GNL3L: variants seen among roughly 807,000 people sequenced by gnomAD.
GNL3L encodes the protein G protein nucleolar 3 like.
A neutral mutation model predicts 42.9 loss-of-function variants in GNL3L; 4 were observed. The ratio of observed to expected loss-of-function variants is 0.09; its 90% CI spans 0.05 to 0.21. The LOEUF (loss-of-function observed/expected upper bound fraction) is 0.21. Ranked by LOEUF, GNL3L falls within the 10% of genes least tolerant of loss-of-function variation. GNL3L has a pLI of 1.00. For synonymous variants in GNL3L, 159 were observed against 176.3 expected (o/e 0.90, Z 0.78); for missense variants, 412 against 481.7 (o/e 0.86, Z 1.36).
rs1406033820 is a variant in GNL3L, at chrX:54,556,713, C to T, written c.1447-1723C>T. ...ACACTGTTTTTGGTACTCAGGTGTG[C>T]TCTATGTTTTTTCAGTGTTCAGTCA... On this transcript the variant is annotated intron_variant, in intron 14 of 15. Transcript: ENST00000360845. 3.6e-5 allele frequency among the ~76,000 whole-genome samples: 4 copies of T among 111,144 alleles called. No individual in the cohort carries two copies. The South Asian group carries it at 1.5e-3, about 42-fold the overall frequency.
chrX:54,602,906 G>C (rs1282647575), intron 16 of GNL3L, among the ~76,000 whole-genome samples: 1 of 111,920 alleles, frequency 8.9e-6, no homozygotes, highest in African/African-American at 3.2e-5. Context: ...AGGCAGGTTG[G>C]CTGACATCTT....
the GNL3L span, among the ~76,000 whole-genome samples, chrX:54,629,906 A>T: frequency 9.0e-6 from 1 of 111,075 alleles, no homozygotes; most frequent in East Asian, 2.8e-4. Flanking sequence ...TTTGTTGGCA[A>T]TTTTTTATTT....
At position 54,561,182 on chromosome X, in the gene GNL3L, C is replaced by T. The variant is rs749378233; in HGVS notation, c.*580C>T. 2 of 112,166 alleles carry T rather than the reference C, an allele frequency of 1.8e-5. No homozygotes were observed. The highest frequency in any genetic ancestry group is 1.9e-4 in the Admixed American group (2 of 10,502). 9.2% of individuals were successfully genotyped at this position (112,166 alleles called of 1,213,427 possible). ...AGAAATAAAAGAAGTATCAGCAGAG[C>T]TCAGGTGCTAACACCTGTTGAGGGC... On this transcript the variant is annotated 3_prime_UTR_variant, in exon 16 of 16. Coordinates refer to ENST00000360845, the MANE Select transcript of GNL3L (RefSeq NM_001184819.2).
downstream of GNL3L, among the ~76,000 whole-genome samples, chrX:54,569,504 A>G (rs1276530621): frequency 8.9e-6 from 1 of 112,259 alleles, no homozygotes; most frequent in Non-Finnish European, 1.9e-5. Flanking sequence ...CATTTTGTAT[A>G]AATTGTTAAA....
At chrX:54,536,731 G>A (rs1195484752) in intron 2 of GNL3L, among the ~76,000 whole-genome samples, 1 of 100,745 alleles carries the variant, frequency 9.9e-6, no homozygotes, top group Non-Finnish European at 2.0e-5. Context: ...GTTGTAGTGA[G>A]CTCAGGTGGC....
chrX:54,544,299 C>T lies in GNL3L; in HGVS notation c.603C>T (p.Ala201=). 1 of 1,166,102 alleles carries T rather than the reference C, an allele frequency of 8.6e-7. No homozygotes were observed. ...AGTTGCCAACCGTGGCTTTCAAGGCCAGTACCCAGCATCAGGTCAAAAACC... is the reference window on the plus strand; with the variant it reads ...AGTTGCCAACCGTGGCTTTCAAGGCTAGTACCCAGCATCAGGTCAAAAACC... The part of the protein sequence containing the change: ...RNELPTVAFK[A]STQHQVKNLN... Residue 201 remains alanine (A), a synonymous_variant, in exon 8 of 16, where the codon GCC becomes GCT. Transcript: ENST00000360845.
chrX:54,619,758 G>A (rs1036150552), intron 16 of GNL3L, among the ~76,000 whole-genome samples: 2 of 111,153 alleles, frequency 1.8e-5, no homozygotes, highest in African/African-American at 6.5e-5. Flanking sequence ...TAGGGATATG[G>A]ATGTTACCTG....
chrX:54,607,141 G>GTC (rs199885445), intron 16 of GNL3L, among the ~76,000 whole-genome samples: 6,874 of 37,404 alleles, frequency 0.18, 883 homozygotes, highest in African/African-American at 0.41. Context: ...TTCTTTCTTT[G>GTC]TCTCTCTCTC....
At chrX:54,641,447 G>A in the GNL3L span, among the ~76,000 whole-genome samples, 203 of 111,664 alleles carry the variant, frequency 1.8e-3, no homozygotes, top group Non-Finnish European at 2.5e-3. Flanking sequence ...TAATGTTACC[G>A]TGAATAATTA....
chrX:54,628,570 A>AT, the GNL3L span, among the ~76,000 whole-genome samples: 1 of 110,825 alleles, frequency 9.0e-6, no homozygotes. Flanking sequence ...GTAAAGTGGT[A>AT]TTGCATTGTG....
chrX:54,618,402 C>T (rs1252560210), intron 16 of GNL3L, among the ~76,000 whole-genome samples: 3 of 111,502 alleles, frequency 2.7e-5, no homozygotes, highest in South Asian at 3.8e-4. Context: ...CCCTTTCCTT[C>T]GAAGTCTTAC....
chrX:54,575,876 C>T (rs1341666599), intron 16 of GNL3L, among the ~76,000 whole-genome samples: 1 of 112,338 alleles, frequency 8.9e-6, no homozygotes, highest in Non-Finnish European at 1.9e-5. Context: ...CACCATTGCA[C>T]TCCAGCCTGG....
intron 8 of GNL3L, among the ~76,000 whole-genome samples, chrX:54,545,881 A>G (rs1429390351): frequency 5.4e-5 from 6 of 111,847 alleles, no homozygotes; most frequent in Non-Finnish European, 9.4e-5. Context: ...TAGGGTCTCA[A>G]TTGGTCATCC....
Position 54,554,628 on chromosome X carries a change from A to C in GNL3L, c.1382A>C (p.Lys461Thr), listed in dbSNP as rs1227010393. ...ACGGACCCACTTGAAATGGAGATCA[A>C]GTTGCTCCATTCTCCGATGACGAAA... ...GDTDPLEMEI[K>T]LLHSPMTKIA... The change falls in exon 14 of 16, where the codon AAG becomes ACG. Residue 461 changes from lysine (K) to threonine (T), a missense_variant. By Grantham distance (78) the Lys-to-Thr change is moderately conservative. Transcript: ENST00000360845. 1 of 1,196,849 alleles carries C rather than the reference A, an allele frequency of 8.4e-7. No homozygotes were observed. The highest frequency in any genetic ancestry group is 1.1e-6 in the Non-Finnish European group (1 of 883,549).
chrX:54,636,047 T>A, the GNL3L span, among the ~76,000 whole-genome samples: 2 of 112,264 alleles, frequency 1.8e-5, no homozygotes, highest in Non-Finnish European at 3.8e-5. Context: ...TTGATCATAA[T>A]CTTTTCCCCT....
At chrX:54,546,989 CT>C (rs1171208828) in intron 8 of GNL3L, among the ~76,000 whole-genome samples, 1 of 100,908 alleles carries the variant, frequency 9.9e-6, no homozygotes, top group Non-Finnish European at 2.0e-5. Context: ...CCTTTTCTTT[CT>C]TTTTTTTTTC....
At chrX:54,608,326 A>G (rs1926122913) in intron 16 of GNL3L, among the ~76,000 whole-genome samples, 1 of 111,970 alleles carries the variant, frequency 8.9e-6, no homozygotes, top group South Asian at 3.7e-4. Context: ...TGAAATTCAC[A>G]TAACCATAAA....
In GNL3L at chrX:54,558,727, G is replaced by A. The variant is rs977595818; in HGVS notation, c.1666+72G>A. 2.2e-5 allele frequency: 16 copies of A among 736,545 alleles called. No homozygotes were observed. In the Middle Eastern group the frequency reaches 1.1e-3, roughly 49 times the overall value. The allele number at this position is 736,545 out of a possible 1,213,427, so 60.7% of individuals were successfully genotyped here. ...GATCTTTTTTTGTTTTTTTTTTCTGGCTCACTGCAGTCTCCGCCCCCTGGG... is the reference window on the plus strand; with the variant it reads ...GATCTTTTTTTGTTTTTTTTTTCTGACTCACTGCAGTCTCCGCCCCCTGGG... On this transcript the variant is annotated intron_variant, in intron 15 of 15. Transcript: ENST00000360845.
chrX:54,607,009 T>TCTTTCTTTCTTTCC lies in GNL3L; in HGVS notation c.*46-13836_*46-13835insCTTTCTTTCTTTCC, dbSNP rs1569542573. Among the ~76,000 whole-genome samples, 294 of 31,397 alleles carry TCTTTCTTTCTTTCC rather than the reference T, an allele frequency of 9.4e-3. 23 individuals carry two copies. In the African/African-American group the frequency reaches 0.11, roughly 11 times the overall value. The allele number at this position is 31,397 out of a possible 115,157, so 27.3% of individuals were successfully genotyped here. ...TCCTTTCCTTTCCTTTCTTTCTTTC[T>TCTTTCTTTCTTTCC]TTCTTTCTTTCTTTCTTTCTTTCTT... On this transcript the variant is annotated intron_variant, in intron 16 of 16. Transcript: ENST00000674498.
Sources: allele counts gnomAD v4.1 joint callset (sites outside exome capture counted in the v4.1 genomes callset), GRCh38; gene constraint gnomAD v4.1.1; transcripts MANE v1.5; gene names NCBI Gene and HGNC (gene_info 2026-07-23, HGNC 2026-07-21).